TDP1: variants seen among roughly 807,000 people sequenced by gnomAD.
TDP1 encodes tyrosyl-DNA phosphodiesterase 1, also known as tyr-DNA phosphodiesterase 1.
In TDP1, 64 loss-of-function variants were observed where a neutral mutation model predicts 81.5. That is an observed-to-expected ratio of 0.79 (90% CI 0.64 to 0.97). The LOEUF (loss-of-function observed/expected upper bound fraction) is 0.97. Among genes scored for constraint, TDP1 ranks in the 50% least tolerant of loss-of-function variants. TDP1 has a pLI of 0.00. For synonymous variants in TDP1, 256 were observed against 264.3 expected (o/e 0.97, Z 0.30); for missense variants, 723 against 743.8 (o/e 0.97, Z 0.33).
rs189403235 is a variant in TDP1, at chr14:90,004,689, C to T, written c.1541+11206C>T. ...CAGGTGTGGTCCCTGCTCTCATGAA[C>T]TTGCCTTCTAATTGATGTAGACCTA... is the stretch of plus-strand genomic sequence containing the variant. On this transcript the variant is annotated intron_variant, in intron 14 of 16. Coordinates refer to ENST00000335725, the MANE Select transcript of TDP1 (RefSeq NM_018319.4). Among the ~76,000 whole-genome samples, 128 of 152,298 alleles carry T rather than the reference C, an allele frequency of 8.4e-4. 1 individual carries two copies. Among genetic ancestry groups the T allele is most frequent in the African/African-American group, 3.0e-3 (124 of 41,558 alleles).
chr14:90,036,242 A>G (rs1038586769), intron 16 of TDP1, among the ~76,000 whole-genome samples: 1 of 152,198 alleles, frequency 6.6e-6, no homozygotes, highest in African/African-American at 2.4e-5. Context: ...TGTCCTCTAC[A>G]CTGCCTCAGT....
chr14:89,967,298 A>G, intron 4 of TDP1, 69 bp from the exon 5 acceptor site: 1 of 1,494,036 alleles, frequency 6.7e-7, no homozygotes, highest in South Asian at 1.1e-5. Flanking sequence ...TAATAACTAA[A>G]CAATTCTCCT....
chr14:89,955,039 G>C (rs191280792), upstream of TDP1: 243 of 267,632 alleles, frequency 9.1e-4, 4 homozygotes, highest in East Asian at 0.018. Flanking sequence ...CTTGCAATAG[G>C]TTACTTTTAA....
chr14:89,982,069 G>A (rs1895037843), intron 8 of TDP1, among the ~76,000 whole-genome samples: 1 of 152,090 alleles, frequency 6.6e-6, no homozygotes, highest in African/African-American at 2.4e-5. Flanking sequence ...CTCCCTTAAA[G>A]CAGTCCTTCA....
intron 14 of TDP1, among the ~76,000 whole-genome samples, chr14:89,998,116 C>T (rs1200093822): frequency 6.6e-6 from 1 of 151,640 alleles, no homozygotes; most frequent in Admixed American, 6.6e-5. Context: ...TAATATGGTA[C>T]CTATACTGTC....
At chr14:90,018,688 G>A (rs1596656843) in intron 14 of TDP1, among the ~76,000 whole-genome samples, 2 of 151,852 alleles carry the variant, frequency 1.3e-5, no homozygotes, top group Non-Finnish European at 1.5e-5. Context: ...CAAGTGGTCC[G>A]CCCGCCTCGG....
chr14:90,035,681 GT>G (rs1887746346), intron 16 of TDP1, among the ~76,000 whole-genome samples: 1 of 149,740 alleles, frequency 6.7e-6, no homozygotes, highest in East Asian at 1.9e-4. Context: ...TTTTGGCTTT[GT>G]GCTACTTTTG....
chr14:89,998,351 C>A (rs1896813655), intron 14 of TDP1, among the ~76,000 whole-genome samples: 3 of 122,820 alleles, frequency 2.4e-5, no homozygotes, highest in Admixed American at 9.3e-5. Flanking sequence ...ACCAGCAGTT[C>A]CAGGCACAGT....
At chr14:90,010,230 A>G (rs984912483) in intron 14 of TDP1, among the ~76,000 whole-genome samples, 2 of 152,236 alleles carry the variant, frequency 1.3e-5, no homozygotes, top group African/African-American at 2.4e-5. Context: ...AAAGTCAAAA[A>G]CTGCACCTTG....
Position 89,993,410 on chromosome 14 carries a change from G to A in TDP1, c.1468G>A (p.Ala490Thr). 2 of 1,613,886 alleles carry A rather than the reference G, an allele frequency of 1.2e-6. No homozygotes were observed. The highest frequency in any genetic ancestry group is 1.7e-6 in the Non-Finnish European group (2 of 1,179,860). ...WSAETSGRSN[A>T]MPHIKTYMRP... The stretch of plus-strand genomic sequence containing the variant: ...AGCTGAGACTTCTGGCCGCAGCAAT[G>A]CCATGCCACATATTAAGACATATAT... The change falls in exon 14 of 17, where the codon GCC becomes ACC. Residue 490 changes from alanine (A) to threonine (T), a missense_variant. By Grantham distance (58) the Ala-to-Thr change is moderately conservative. Transcript: ENST00000335725.
intron 7 of TDP1, chr14:89,980,184 C>T: frequency 1.0e-6 from 1 of 985,400 alleles, no homozygotes; most frequent in Non-Finnish European, 1.2e-6. Flanking sequence ...AGGTTGTTGA[C>T]CATACTTTGA....
intron 6 of TDP1, among the ~76,000 whole-genome samples, chr14:89,974,734 C>CT (rs1894073955): frequency 6.6e-6 from 1 of 152,148 alleles, no homozygotes; most frequent in Non-Finnish European, 1.5e-5. Flanking sequence ...GAGGAGAAAG[C>CT]TGAGGCATAG....
At chr14:89,979,287 A>C (rs1894707633) in intron 7 of TDP1, among the ~76,000 whole-genome samples, 1 of 152,124 alleles carries the variant, frequency 6.6e-6, no homozygotes, top group Non-Finnish European at 1.5e-5. Context: ...AGGAATGTAC[A>C]GGTGAGAGTG....
chr14:90,010,309 T>A (rs1293500777), intron 14 of TDP1, among the ~76,000 whole-genome samples: 2 of 152,226 alleles, frequency 1.3e-5, no homozygotes, highest in African/African-American at 4.8e-5. Flanking sequence ...TATAAAGGTT[T>A]TCATAAACAA....
At chr14:89,989,646 A>G in intron 11 of TDP1, 71 bp from the exon 12 acceptor site, 2 of 1,316,378 alleles carry the variant, frequency 1.5e-6, no homozygotes, top group East Asian at 4.7e-5. Flanking sequence ...TCATTTCCTT[A>G]AAAGCTGATT....
chr14:89,981,554 T>C, intron 8 of TDP1: 1 of 443,140 alleles, frequency 2.3e-6, no homozygotes, highest in Non-Finnish European at 4.5e-6. Flanking sequence ...TCTAGCACCA[T>C]TTCCAGGTTC....
chr14:89,985,890 G>A (rs926060021), intron 10 of TDP1, among the ~76,000 whole-genome samples: 1 of 152,186 alleles, frequency 6.6e-6, no homozygotes, highest in Non-Finnish European at 1.5e-5. Flanking sequence ...AGCCGGGCAT[G>A]ATGGCAGGCA....
intron 15 of TDP1, among the ~76,000 whole-genome samples, chr14:90,024,282 A>G (rs532981089): frequency 1.3e-5 from 2 of 152,190 alleles, no homozygotes; most frequent in Non-Finnish European, 2.9e-5. Flanking sequence ...CTAGCCAGCC[A>G]TAATCTGTAC....
At chr14:89,978,530 A>G (rs1894611171) in intron 7 of TDP1, among the ~76,000 whole-genome samples, 1 of 152,246 alleles carries the variant, frequency 6.6e-6, no homozygotes, top group Non-Finnish European at 1.5e-5. Context: ...ATGGCAGGTC[A>G]GCATTCTTCA....
Sources: gnomAD v4.1 joint callset for allele counts (sites outside exome capture counted in the v4.1 genomes callset) on GRCh38, gnomAD v4.1.1 for gene constraint, MANE v1.5 for transcripts, NCBI Gene and HGNC (gene_info 2026-07-23, HGNC 2026-07-21) for gene names.